TBC1D19: variants seen among roughly 807,000 people sequenced by gnomAD.
The protein encoded by TBC1D19 is TBC1 domain family, member 19.
Under a neutral mutation model 89.0 loss-of-function variants are expected in TBC1D19, and 60 were observed. That is an observed-to-expected ratio of 0.67 (90% CI 0.55 to 0.84). The LOEUF (loss-of-function observed/expected upper bound fraction) is 0.84. Ranked by LOEUF, TBC1D19 falls within the 40% of genes least tolerant of loss-of-function variation. The probability of loss-of-function intolerance (pLI) is 0.00; values close to 1 mark genes in which losing one functional copy is unlikely to be tolerated. For missense variants in TBC1D19, 500 were observed against 610.8 expected (o/e 0.82, Z 1.91); for synonymous variants, 189 against 199.7 (o/e 0.95, Z 0.45).
At chr4:26,633,652 C>A (rs1742940854) in intron 4 of TBC1D19, among the ~76,000 whole-genome samples, 1 of 152,088 alleles carries the variant, frequency 6.6e-6, no homozygotes, top group African/African-American at 2.4e-5. Context: ...TAGCCTATTT[C>A]TTCTTGCCTT....
At chr4:26,757,893 A>C (rs1410719937), downstream of TBC1D19, among the ~76,000 whole-genome samples, 2 of 152,198 alleles carry the variant, frequency 1.3e-5, no homozygotes, top group African/African-American at 4.8e-5. Flanking sequence ...CATTGCTTAA[A>C]GGATAAAAGC....
chr4:26,858,879 A>G, the TBC1D19 span: 16 of 151,444 alleles, frequency 1.1e-4, no homozygotes, highest in African/African-American at 3.9e-4. Context: ...CCTATCTTTA[A>G]AAGAAGAAAA....
Position 26,676,396 on chromosome 4 carries a change from C to T in TBC1D19, c.816+2508C>T, listed in dbSNP as rs953818595. Among the ~76,000 whole-genome samples the T allele has an allele frequency of 3.3e-5, 5 of 152,168 alleles. No homozygotes were observed. In the East Asian group the frequency reaches 5.8e-4, roughly 18 times the overall value. ...AAACTTAATTGCATCAGTACCTGGT[C>T]CTTTCCTCAACTACTTTTACTTAAA... On this transcript the variant is annotated intron_variant, in intron 11 of 20. Transcript: ENST00000264866.
chr4:26,598,656 A>G (rs1740395336), intron 1 of TBC1D19, among the ~76,000 whole-genome samples: 1 of 152,202 alleles, frequency 6.6e-6, no homozygotes, highest in Non-Finnish European at 1.5e-5. Flanking sequence ...GGCCGCCCAA[A>G]GTGCTGGGAT....
At chr4:26,703,916 G>A (rs551643850) in intron 13 of TBC1D19, among the ~76,000 whole-genome samples, 34 of 144,376 alleles carry the variant, frequency 2.4e-4, no homozygotes, top group Admixed American at 1.3e-3. Flanking sequence ...AGCCAAGATC[G>A]TGCCACTGCA....
At chr4:26,665,472 G>T (rs1367777166) in intron 8 of TBC1D19, among the ~76,000 whole-genome samples, 1 of 151,938 alleles carries the variant, frequency 6.6e-6, no homozygotes, top group Non-Finnish European at 1.5e-5. Context: ...TGTGAATAAT[G>T]TGAGGTTTTT....
intron 8 of TBC1D19, among the ~76,000 whole-genome samples, chr4:26,663,428 T>A (rs765971095): frequency 7.3e-4 from 111 of 152,290 alleles, no homozygotes; most frequent in African/African-American, 2.6e-3. Context: ...AACTGCTGCA[T>A]GTAGAGGCAA....
chr4:26,620,373 C>T (rs1381388455), intron 3 of TBC1D19, among the ~76,000 whole-genome samples: 1 of 152,140 alleles, frequency 6.6e-6, no homozygotes, highest in African/African-American at 2.4e-5. Context: ...GCTTTCTTCA[C>T]GAGAATGTTA....
the TBC1D19 span, among the ~76,000 whole-genome samples, chr4:26,826,215 G>GA: frequency 6.6e-6 from 1 of 150,496 alleles, no homozygotes; most frequent in Non-Finnish European, 1.5e-5. Flanking sequence ...AATAAAAAGT[G>GA]AAAAAAAAAT....
chr4:26,682,244 G>A (rs193205559), intron 11 of TBC1D19, among the ~76,000 whole-genome samples: 43 of 152,116 alleles, frequency 2.8e-4, no homozygotes, highest in African/African-American at 1.0e-3. Context: ...AGATAGATTC[G>A]GTAGATACAA....
At chr4:26,796,093 C>T in the TBC1D19 span, among the ~76,000 whole-genome samples, 2 of 152,218 alleles carry the variant, frequency 1.3e-5, no homozygotes, top group Non-Finnish European at 2.9e-5. Flanking sequence ...TATACAGCAG[C>T]CTCATGTCTC....
intron 13 of TBC1D19, among the ~76,000 whole-genome samples, chr4:26,715,277 C>G (rs1284063539): frequency 6.6e-6 from 1 of 152,044 alleles, no homozygotes; most frequent in Non-Finnish European, 1.5e-5. Flanking sequence ...TCGCTGAGAT[C>G]AAACATCCTT....
At chr4:26,652,006 G>A (rs1392015423) in intron 7 of TBC1D19, among the ~76,000 whole-genome samples, 1 of 151,988 alleles carries the variant, frequency 6.6e-6, no homozygotes, top group Non-Finnish European at 1.5e-5. Context: ...TTTATATGCT[G>A]GATTACATTT....
At chr4:26,639,348 C>G (rs2110076443) in intron 6 of TBC1D19, among the ~76,000 whole-genome samples, 1 of 152,276 alleles carries the variant, frequency 6.6e-6, no homozygotes, top group African/African-American at 2.4e-5. Context: ...GTGTGAGCCA[C>G]TGCGCCTGGC....
chr4:26,747,883 C>T (rs1379859788), intron 18 of TBC1D19, among the ~76,000 whole-genome samples: 1 of 152,172 alleles, frequency 6.6e-6, no homozygotes, highest in Non-Finnish European at 1.5e-5. Context: ...AATCAGAAAT[C>T]TATTTCTAAT....
chr4:26,771,810 T>C, the TBC1D19 span, among the ~76,000 whole-genome samples: 4 of 152,180 alleles, frequency 2.6e-5, no homozygotes, highest in Non-Finnish European at 5.9e-5. Context: ...TCATGTTAAG[T>C]GTTCTTATCA....
At chr4:26,612,358 T>C (rs1322576591) in intron 1 of TBC1D19, among the ~76,000 whole-genome samples, 1 of 151,882 alleles carries the variant, frequency 6.6e-6, no homozygotes, top group African/African-American at 2.4e-5. Flanking sequence ...AGTTTCTAAC[T>C]TGGAAGATCT....
the TBC1D19 span, among the ~76,000 whole-genome samples, chr4:26,853,116 G>A: frequency 7.2e-5 from 11 of 152,250 alleles, no homozygotes; most frequent in East Asian, 2.1e-3. Context: ...TCATTCAGAG[G>A]AAAAAGCTGT....
chr4:26,763,113 A>G, the TBC1D19 span, among the ~76,000 whole-genome samples: 1 of 152,220 alleles, frequency 6.6e-6, no homozygotes. Context: ...CCCTTTTTAT[A>G]AAATAGGTGA....
Sources: allele counts gnomAD v4.1 joint callset (sites outside exome capture counted in the v4.1 genomes callset), GRCh38; gene constraint gnomAD v4.1.1; transcripts MANE v1.5; gene names NCBI Gene and HGNC (gene_info 2026-07-23, HGNC 2026-07-21).